GRIK2: variants seen among roughly 807,000 people sequenced by gnomAD.
GRIK2 encodes glutamate receptor ionotropic, kainate 2.
Under a neutral mutation model 100.3 loss-of-function variants are expected in GRIK2, and 32 were observed. The observed-to-expected ratio is 0.32, with a 90% CI of 0.24 to 0.43. The LOEUF is 0.43. Ranked by LOEUF, GRIK2 falls within the 20% of genes least tolerant of loss-of-function variation. The pLI is 1.00. For synonymous variants in GRIK2, 417 were observed against 389.4 expected, an observed-to-expected ratio of 1.07 and a Z score of -0.83; for missense variants, 843 against 1,114.9, an observed-to-expected ratio of 0.76 and a Z score of 3.47.
chr6:102,035,415 T>A lies in GRIK2; in HGVS notation c.2160T>A (p.Ser720Arg), dbSNP rs1225209254. 6.2e-7 allele frequency: 1 copy of A among 1,609,264 alleles called. No individual in the cohort carries two copies. The highest frequency in any genetic ancestry group is 1.7e-5 in the Admixed American group (1 of 59,654). The change falls in exon 15 of 17, where the codon AGT becomes AGA. Residue 720 changes from serine to arginine, a missense_variant. By Grantham distance (110) the Ser-to-Arg change is moderately radical (BLOSUM62 -1). This residue lies in a region of GRIK2 where 237 missense variants were observed against 388.0 expected (regional missense o/e 0.61). Transcript: ENST00000369134. Reference protein sequence around the residue: ...SSRRQSVLVKSNEEGIQRVLT... With the variant: ...SSRRQSVLVKRNEEGIQRVLT... ...GAAGGCAGTCAGTGCTGGTCAAAAG[T>A]AATGAAGAAGGAATCCAGCGAGTCC...
At chr6:101,968,924 A>T (rs910327560) in intron 14 of GRIK2, among the ~76,000 whole-genome samples, 8 of 152,126 alleles carry the variant, frequency 5.3e-5, no homozygotes, top group Admixed American at 5.2e-4. Flanking sequence ...CATTTGTCCA[A>T]TTGTGGGCTA....
At chr6:101,878,547 T>G (rs573283910) in intron 11 of GRIK2, among the ~76,000 whole-genome samples, 9 of 151,924 alleles carry the variant, frequency 5.9e-5, no homozygotes, top group Non-Finnish European at 8.8e-5. Flanking sequence ...CCTCACAAAT[T>G]TATTACTATT....
intron 7 of GRIK2, among the ~76,000 whole-genome samples, chr6:101,735,864 G>A (rs901432352): frequency 6.6e-6 from 1 of 152,082 alleles, no homozygotes; most frequent in Non-Finnish European, 1.5e-5. Context: ...GTTCACAATC[G>A]AAAGTCTCAT....
At chr6:101,928,282 A>C (rs1035165424) in intron 13 of GRIK2, 133 bp from the exon 14 acceptor site, 29 of 618,234 alleles carry the variant, frequency 4.7e-5, no homozygotes, top group Non-Finnish European at 6.6e-5. Flanking sequence ...TTGCTTGCTT[A>C]CTAAAGAAAT....
At chr6:102,061,091 AC>A (rs1343740223) in intron 16 of GRIK2, among the ~76,000 whole-genome samples, 1 of 150,548 alleles carries the variant, frequency 6.6e-6, no homozygotes, top group Non-Finnish European at 1.5e-5. Flanking sequence ...AATATAAAAT[AC>A]TGTACTTTGA....
At chr6:101,896,181 T>C (rs907799350) in intron 12 of GRIK2, among the ~76,000 whole-genome samples, 1 of 151,810 alleles carries the variant, frequency 6.6e-6, no homozygotes, top group African/African-American at 2.4e-5. Flanking sequence ...GTATCTTTAG[T>C]AGAACCAAAC....
intron 5 of GRIK2, among the ~76,000 whole-genome samples, chr6:101,680,125 A>C (rs953925368): frequency 2.6e-5 from 4 of 152,216 alleles, no homozygotes; most frequent in African/African-American, 9.6e-5. Flanking sequence ...AATGAAAGCC[A>C]GAAACAGACT....
At chr6:101,421,667 T>G (rs1776419201) in intron 2 of GRIK2, among the ~76,000 whole-genome samples, 1 of 152,186 alleles carries the variant, frequency 6.6e-6, no homozygotes, top group African/African-American at 2.4e-5. Flanking sequence ...GCTGTTTTTT[T>G]TCTCCAAAAT....
intron 2 of GRIK2, among the ~76,000 whole-genome samples, chr6:101,593,023 G>A (rs1000558972): frequency 1.3e-5 from 2 of 151,852 alleles, no homozygotes; most frequent in Non-Finnish European, 2.9e-5. Flanking sequence ...CTGGAGTGGA[G>A]AGTTAGAAAA....
chr6:101,525,733 G>A (rs1362198836), intron 2 of GRIK2, among the ~76,000 whole-genome samples: 1 of 152,148 alleles, frequency 6.6e-6, no homozygotes, highest in Non-Finnish European at 1.5e-5. Context: ...AGTTCGCTGT[G>A]AATTTCAAAC....
chr6:101,710,775 G>T (rs1405938337), intron 7 of GRIK2, among the ~76,000 whole-genome samples: 1 of 151,738 alleles, frequency 6.6e-6, no homozygotes. Context: ...CTTTGTTGAA[G>T]CACCAGGGTG....
chr6:101,510,192 G>A (rs963275037), intron 2 of GRIK2, among the ~76,000 whole-genome samples: 11 of 152,140 alleles, frequency 7.2e-5, no homozygotes, highest in African/African-American at 2.7e-4. Flanking sequence ...GGGCAAACAT[G>A]TCCATAAAAA....
intron 4 of GRIK2, among the ~76,000 whole-genome samples, chr6:101,638,522 A>G (rs771869547): frequency 9.3e-5 from 14 of 150,828 alleles, no homozygotes; most frequent in Non-Finnish European, 1.6e-4. Flanking sequence ...CAATTATGCC[A>G]TATCTAAAGA....
At chr6:101,995,277 A>C (rs1794592762) in intron 14 of GRIK2, among the ~76,000 whole-genome samples, 1 of 151,954 alleles carries the variant, frequency 6.6e-6, no homozygotes, top group African/African-American at 2.4e-5. Context: ...GAGAACCACA[A>C]ATCAAAATGG....
chr6:101,952,167 A>G (rs1052955650), intron 14 of GRIK2, among the ~76,000 whole-genome samples: 25 of 152,202 alleles, frequency 1.6e-4, no homozygotes, highest in African/African-American at 6.0e-4. Flanking sequence ...TCTATGACGG[A>G]ACCATCCAGT....
intron 12 of GRIK2, among the ~76,000 whole-genome samples, chr6:101,890,813 C>T (rs761820267): frequency 4.6e-5 from 7 of 151,466 alleles, no homozygotes; most frequent in Middle Eastern, 3.4e-3. Context: ...TAGTATTGTG[C>T]CTCAGGACTG....
intron 7 of GRIK2, among the ~76,000 whole-genome samples, chr6:101,799,073 G>T (rs1489844359): frequency 6.6e-6 from 1 of 152,022 alleles, no homozygotes; most frequent in African/African-American, 2.4e-5. Context: ...TTCTGAGATT[G>T]AAACTTTTGA....
intron 2 of GRIK2, among the ~76,000 whole-genome samples, chr6:101,580,126 G>A (rs1435039690): frequency 6.6e-6 from 1 of 152,036 alleles, no homozygotes; most frequent in Non-Finnish European, 1.5e-5. Flanking sequence ...ACAATCTGAT[G>A]ACTTCCTAAT....
chr6:101,952,393 G>T (rs866199348), intron 14 of GRIK2, among the ~76,000 whole-genome samples: 7 of 152,150 alleles, frequency 4.6e-5, no homozygotes, highest in Non-Finnish European at 8.8e-5. Flanking sequence ...GAATATCCAT[G>T]TACAGGTTTT....
Sources: gnomAD v4.1 joint callset for allele counts (sites outside exome capture counted in the v4.1 genomes callset) on GRCh38, gnomAD v4.1.1 for gene constraint, gnomAD v4.1.1 regional missense constraint, MANE v1.5 for transcripts, NCBI Gene and HGNC (gene_info 2026-07-23, HGNC 2026-07-21) for gene names.